NEURL1B: variants seen among roughly 807,000 people sequenced by gnomAD.
The protein encoded by NEURL1B is E3 ubiquitin-protein ligase NEURL1B.
Under a neutral mutation model 37.4 loss-of-function variants are expected in NEURL1B, and 13 were observed. The ratio of observed to expected loss-of-function variants is 0.35; its 90% CI spans 0.23 to 0.55. NEURL1B has a LOEUF of 0.55. NEURL1B is among the 20% of genes least tolerant of loss of function. The pLI, the probability that NEURL1B is intolerant of heterozygous loss-of-function variation, is 0.89. For synonymous variants in NEURL1B, 432 were observed against 426.6 expected, an observed-to-expected ratio of 1.01 and a Z score of -0.16; for missense variants, 790 against 879.2, an observed-to-expected ratio of 0.90 and a Z score of 1.28.
At chr5:172,668,271 C>T (rs138628624) in intron 1 of NEURL1B, among the ~76,000 whole-genome samples, 184 of 152,306 alleles carry the variant, frequency 1.2e-3, no homozygotes, top group African/African-American at 4.1e-3. Context: ...TAGACACTCC[C>T]TTCATATGTG....
rs1421831806 is a variant in NEURL1B at position 172,661,788 on chromosome 5, C to T, written c.32-7997C>T. Among the ~76,000 whole-genome samples, 4 of 152,222 alleles carry T rather than the reference C, an allele frequency of 2.6e-5. No homozygotes were observed. Among genetic ancestry groups the T allele is most frequent in the African/African-American group, 9.6e-5 (4 of 41,464 alleles). On this transcript the variant is annotated intron_variant, in intron 1 of 4. Coordinates refer to ENST00000369800, the MANE Select transcript of NEURL1B (RefSeq NM_001142651.3). This position sits in a 1 kb window ranked among gnomAD's most constrained non-coding sequence, Gnocchi z 4.0. ...ATCGGGAGCTGTTGCTTCCTGCCAT[C>T]CTCCTGACGGTAACTGCCATTTCCT...
Position 172,661,844 on chromosome 5 carries a change from G to C in NEURL1B, c.32-7941G>C, listed in dbSNP as rs1423715037. ...TCTTTTTAGATCAAAGGAAGGGCTAGGCTGGAGAGATGAGTGGGGACCATT... is the reference window on the plus strand; with the variant it reads ...TCTTTTTAGATCAAAGGAAGGGCTACGCTGGAGAGATGAGTGGGGACCATT... On this transcript the variant is annotated intron_variant, in intron 1 of 4. Transcript: ENST00000369800. The surrounding 1 kb of genome is among the most constrained non-coding windows in gnomAD (Gnocchi z 4.0). Among the ~76,000 whole-genome samples the C allele has an allele frequency of 6.6e-6, 1 of 152,224 alleles. No individual in the cohort carries two copies. Among genetic ancestry groups the C allele is most frequent in the African/African-American group, 2.4e-5 (1 of 41,462 alleles).
chr5:172,654,504 T>C (rs1033265606), intron 1 of NEURL1B, among the ~76,000 whole-genome samples: 1 of 152,104 alleles, frequency 6.6e-6, no homozygotes, highest in South Asian at 2.1e-4. Flanking sequence ...GTTAAGGGAA[T>C]TATCAGTGGT....
chr5:172,678,429 A>G (rs912621944), intron 2 of NEURL1B, among the ~76,000 whole-genome samples: 1 of 151,994 alleles, frequency 6.6e-6, no homozygotes, highest in East Asian at 1.9e-4. Flanking sequence ...CTCTCCTCCT[A>G]CATCTGAGGG....
chr5:172,656,644 C>T (rs1248317066), intron 1 of NEURL1B: 35 of 1,599,728 alleles, frequency 2.2e-5, no homozygotes, highest in Non-Finnish European at 2.7e-5. Flanking sequence ...TTATCTTCCT[C>T]GTCCATCTCC....
At chr5:172,669,022 T>C (rs565484762) in intron 1 of NEURL1B, among the ~76,000 whole-genome samples, 3 of 152,234 alleles carry the variant, frequency 2.0e-5, no homozygotes, top group Non-Finnish European at 4.4e-5. Context: ...CCCTGAATCC[T>C]GGCTTGGATG....
In NEURL1B at chr5:172,684,306, A is replaced by G. The variant is rs139893392; in HGVS notation, c.1297+168A>G. Among the ~76,000 whole-genome samples the G allele has an allele frequency of 6.3e-3, 950 of 151,984 alleles. 4 individuals are homozygous for G. Among genetic ancestry groups the G allele is most frequent in the Middle Eastern group, 0.01 (3 of 294 alleles). On this transcript the variant is annotated intron_variant, in intron 3 of 4. Coordinates refer to ENST00000369800, the MANE Select transcript of NEURL1B (RefSeq NM_001142651.3). ...GCCCGGGCACGATCCACCCCGTCCA[A>G]AATTGCCGGACTCCACCCCAGAGTT...
rs1054796664 is a variant in NEURL1B at position 172,686,030 on chromosome 5, C to T, written c.1298-141C>T. On this transcript the variant is annotated intron_variant, in intron 3 of 4. Transcript: ENST00000369800. The surrounding 1 kb of genome is among the most constrained non-coding windows in gnomAD (Gnocchi z 7.9). Reference sequence around the variant, plus strand: ...AGGCACCACACTGGGATGCACTCTTCACTCCTCAGCAGAACCCTGGGAGAT... The same window carrying T: ...AGGCACCACACTGGGATGCACTCTTTACTCCTCAGCAGAACCCTGGGAGAT... 4.2e-6 allele frequency: 4 copies of T among 953,510 alleles called. No homozygotes were observed. The highest frequency in any genetic ancestry group is 3.3e-5 in the African/African-American group (2 of 60,672). 59.1% of individuals were successfully genotyped at this position (953,510 alleles called of 1,614,324 possible). A position where few individuals can be genotyped will look rare whatever the true frequency, so the allele number is the denominator to read the frequency against.
rs530924698 is a variant in NEURL1B at position 172,675,895 on chromosome 5, A to C, written c.577+5565A>C. 2.0e-5 allele frequency among the ~76,000 whole-genome samples: 3 copies of C among 152,214 alleles called. No individual in the cohort carries two copies. The highest frequency in any genetic ancestry group is 3.9e-4 in the East Asian group (2 of 5,180). ...TTTTCAGATCAGGGATACTCAACTT[A>C]TGTCTCTTTTCTATGGAAGCCCTTT... is the stretch of plus-strand genomic sequence containing the variant. On this transcript the variant is annotated intron_variant, in intron 2 of 4. Coordinates refer to ENST00000369800, the MANE Select transcript of NEURL1B (RefSeq NM_001142651.3). This position sits in a 1 kb window ranked among gnomAD's most constrained non-coding sequence, Gnocchi z 4.7.
At chr5:172,669,148 C>T (rs1758071985) in intron 1 of NEURL1B, among the ~76,000 whole-genome samples, 1 of 152,164 alleles carries the variant, frequency 6.6e-6, no homozygotes, top group East Asian at 1.9e-4. Context: ...CATTCTCTTT[C>T]AGCAGCTGTG....
chr5:172,668,428 G>T (rs75364465), intron 1 of NEURL1B, among the ~76,000 whole-genome samples: 1 of 152,040 alleles, frequency 6.6e-6, no homozygotes, highest in Non-Finnish European at 1.5e-5. Flanking sequence ...TCCTCCCCCC[G>T]TGACTGGGCC....
intron 1 of NEURL1B, among the ~76,000 whole-genome samples, chr5:172,645,538 A>ATGT (rs1757543694): frequency 2.0e-5 from 3 of 151,978 alleles, no homozygotes; most frequent in Non-Finnish European, 4.4e-5. Context: ...GACCCTTGTC[A>ATGT]CCCTCCTTCC....
intron 1 of NEURL1B, among the ~76,000 whole-genome samples, chr5:172,646,975 T>C (rs1757573110): frequency 6.6e-6 from 1 of 152,102 alleles, no homozygotes; most frequent in Admixed American, 6.5e-5. Context: ...AGGAGGCTTC[T>C]TGTAGGCCAG....
In NEURL1B at chr5:172,657,766, A is replaced by G. The variant is rs146625171; in HGVS notation, c.32-12019A>G. ...ACCAGCTTCTTGTGGAAGGCTGGATATTATCCAGGCCTGCCCGCAGTCATC... is the reference window on the plus strand; with the variant it reads ...ACCAGCTTCTTGTGGAAGGCTGGATGTTATCCAGGCCTGCCCGCAGTCATC... On this transcript the variant is annotated intron_variant, in intron 1 of 4. Transcript: ENST00000369800. This position sits in a 1 kb window ranked among gnomAD's most constrained non-coding sequence, Gnocchi z 4.0. Among the ~76,000 whole-genome samples, 1,053 of 152,166 alleles carry G rather than the reference A, an allele frequency of 6.9e-3. 11 individuals are homozygous for G. Among genetic ancestry groups the G allele is most frequent in the African/African-American group, 0.024 (1,001 of 41,510 alleles).
At position 172,686,525 on chromosome 5, in the gene NEURL1B, A is replaced by G. The variant is rs1212059168; in HGVS notation, c.1424-156A>G. Reference sequence around the variant, plus strand: ...GGTGTTTGGGAGTAGAAGAGTAGAGAAAGGTGCAAAACCTGCAAGGTAAAC... The same window carrying G: ...GGTGTTTGGGAGTAGAAGAGTAGAGGAAGGTGCAAAACCTGCAAGGTAAAC... On this transcript the variant is annotated intron_variant, in intron 4 of 4. Coordinates refer to ENST00000369800, the MANE Select transcript of NEURL1B (RefSeq NM_001142651.3). The surrounding 1 kb of genome is among the most constrained non-coding windows in gnomAD (Gnocchi z 7.9). Among the ~76,000 whole-genome samples the G allele has an allele frequency of 6.6e-6, 1 of 152,056 alleles. No homozygotes were observed. Among genetic ancestry groups the G allele is most frequent in the African/African-American group, 2.4e-5 (1 of 41,406 alleles).
rs751634198 is a variant in NEURL1B, at chr5:172,683,861, C to T, written c.1020C>T (p.Phe340=). The T allele has an allele frequency of 8.8e-6, 12 of 1,371,310 alleles. No homozygotes were observed. Among genetic ancestry groups the T allele is most frequent in the Non-Finnish European group, 1.1e-5 (12 of 1,057,676 alleles). 84.9% of individuals were successfully genotyped at this position (1,371,310 alleles called of 1,614,324 possible). A position where few individuals can be genotyped will look rare whatever the true frequency, so the allele number is the denominator to read the frequency against. ...PGLAAPGALA[F]GITSCDPGVL... is the part of the protein sequence containing the mutation. ...TGGCGGCGCCCGGCGCGCTGGCCTT[C>T]GGCATCACGTCGTGCGACCCGGGCG... The change falls in exon 3 of 5, where the codon TTC becomes TTT. Residue 340 remains phenylalanine, a synonymous_variant. Coordinates refer to ENST00000369800, the MANE Select transcript of NEURL1B (RefSeq NM_001142651.3). The surrounding 1 kb of genome is among the most constrained non-coding windows in gnomAD (Gnocchi z 5.6).
In NEURL1B at chr5:172,657,444, T is replaced by C. The variant is rs1418120087; in HGVS notation, c.32-12341T>C. Among the ~76,000 whole-genome samples, 1 of 152,216 alleles carries C rather than the reference T, an allele frequency of 6.6e-6. No homozygotes were observed. The highest frequency in any genetic ancestry group is 2.4e-5 in the African/African-American group (1 of 41,446). ...TACAAATTAGATATAGAGATGATCATGGACAATTATCAATCATTATTATAA... is the reference window on the plus strand; with the variant it reads ...TACAAATTAGATATAGAGATGATCACGGACAATTATCAATCATTATTATAA... On this transcript the variant is annotated intron_variant, in intron 1 of 4. Coordinates refer to ENST00000369800, the MANE Select transcript of NEURL1B (RefSeq NM_001142651.3). The surrounding 1 kb of genome is among the most constrained non-coding windows in gnomAD (Gnocchi z 4.0).
chr5:172,669,822 G>A lies in NEURL1B; in HGVS notation c.69G>A (p.Pro23=), dbSNP rs1758085484. The A allele has an allele frequency of 3.0e-6, 4 of 1,314,066 alleles. No homozygotes were observed. Among genetic ancestry groups the A allele is most frequent in the East Asian group, 3.3e-5 (1 of 29,864 alleles). 81.4% of individuals were successfully genotyped at this position (1,314,066 alleles called of 1,614,324 possible). A position where few individuals can be genotyped will look rare whatever the true frequency, so the allele number is the denominator to read the frequency against. ...CGGCGCGCCTCCTGGCCACCCGGCC[G>A]TGCTGCGGCCCCGGCCCCGAGCGAC... ...SPPARLLATR[P]CCGPGPERRP... Residue 23 remains proline, a synonymous_variant, in exon 2 of 5, where the codon CCG becomes CCA. Transcript: ENST00000369800.
rs1758090059 is a variant in NEURL1B, at chr5:172,669,990, C to T, written c.237C>T (p.Tyr79=). 2.0e-6 allele frequency: 3 copies of T among 1,472,994 alleles called. No individual in the cohort carries two copies. Among genetic ancestry groups the T allele is most frequent in the Non-Finnish European group, 2.7e-6 (3 of 1,117,868 alleles). 91.2% of individuals were successfully genotyped at this position (1,472,994 alleles called of 1,614,324 possible). ...TCACGCAGCGGCCCATCCGGCTGTA[C>T]GAGCAGGTGCGGCTGCGCCTGGTGG... ...VTFTQRPIRL[Y]EQVRLRLVAV... is the part of the protein sequence containing the mutation. The change falls in exon 2 of 5, where the codon TAC becomes TAT. Residue 79 remains tyrosine (Y), a synonymous_variant. Transcript: ENST00000369800.
Sources: gnomAD v4.1 joint callset for allele counts (sites outside exome capture counted in the v4.1 genomes callset) on GRCh38, gnomAD v4.1.1 for gene constraint, Gnocchi (gnomAD v3.1) non-coding constraint, MANE v1.5 for transcripts, NCBI Gene and HGNC (gene_info 2026-07-23, HGNC 2026-07-21) for gene names.